The following NBEA variants were observed in gnomAD, a reference collection of about 807,000 sequenced individuals.
The protein encoded by NBEA is neurobeachin.
A neutral mutation model predicts 343.4 loss-of-function variants in NBEA; 44 were observed. That is an observed-to-expected ratio of 0.13 (90% CI 0.10 to 0.16). The LOEUF is 0.16. Among genes scored for constraint, NBEA ranks in the 10% least tolerant of loss-of-function variants. NBEA has a pLI of 1.00. For missense variants in NBEA, 2,555 were observed against 3,631.3 expected, an observed-to-expected ratio of 0.70 and a Z score of 7.62; for synonymous variants, 1,175 against 1,238.7, an observed-to-expected ratio of 0.95 and a Z score of 1.08.
At chr13:35,198,255 T>A (rs1593710313) in intron 31 of NBEA, among the ~76,000 whole-genome samples, 1 of 152,176 alleles carries the variant, frequency 6.6e-6, no homozygotes, top group Non-Finnish European at 1.5e-5. Flanking sequence ...TGCATGTAAG[T>A]ATATGTACTT....
At chr13:35,296,367 C>A (rs1456547611) in intron 35 of NBEA, among the ~76,000 whole-genome samples, 1 of 146,556 alleles carries the variant, frequency 6.8e-6, no homozygotes, top group East Asian at 2.0e-4. Flanking sequence ...GGCGACAGAG[C>A]GAGACTCAGT....
At chr13:35,576,061 T>C (rs2080723176) in intron 45 of NBEA, among the ~76,000 whole-genome samples, 1 of 152,158 alleles carries the variant, frequency 6.6e-6, no homozygotes, top group East Asian at 1.9e-4. Context: ...GGTTTTGATG[T>C]ACGCTGATTC....
rs1483434271 is a variant in NBEA at position 35,159,749 on chromosome 13, G to A, written c.3578G>A (p.Ser1193Asn). The change falls in exon 22 of 59, where the codon AGC becomes AAC. Residue 1193 changes from serine (S) to asparagine (N), a missense_variant. Transcript: ENST00000379939. ...GGATTGCTTGCTCACATGACCGGTA[G>A]CGTAGACTTAACTTGTACATCCAGT... ...DLGLLAHMTGSVDLTCTSSII... is the reference protein window; with the variant it reads ...DLGLLAHMTGNVDLTCTSSII... 8 of 1,613,098 alleles carry A rather than the reference G, an allele frequency of 5.0e-6. No individual in the cohort carries two copies. The highest frequency in any genetic ancestry group is 6.8e-6 in the Non-Finnish European group (8 of 1,179,630).
At chr13:35,494,270 G>A (rs2076597745) in intron 41 of NBEA, among the ~76,000 whole-genome samples, 1 of 151,920 alleles carries the variant, frequency 6.6e-6, no homozygotes, top group Admixed American at 6.6e-5. Flanking sequence ...CTAGATGAGA[G>A]CAAAATATTA....
intron 45 of NBEA, among the ~76,000 whole-genome samples, chr13:35,569,551 CATTT>C (rs2080296818): frequency 6.6e-6 from 1 of 151,958 alleles, no homozygotes; most frequent in African/African-American, 2.4e-5. Context: ...TTTTTCTCTC[CATTT>C]ATTTATTCTT....
chr13:35,285,935 G>A (rs1217867797), intron 34 of NBEA, among the ~76,000 whole-genome samples: 1 of 152,032 alleles, frequency 6.6e-6, no homozygotes, highest in African/African-American at 2.4e-5. Flanking sequence ...CTTTGCTGAC[G>A]ATTGCATGCT....
intron 38 of NBEA, among the ~76,000 whole-genome samples, chr13:35,382,888 G>A (rs980718920): frequency 3.3e-5 from 5 of 152,098 alleles, no homozygotes; most frequent in African/African-American, 1.2e-4. Context: ...TCAAACTTTT[G>A]CTACAAACAA....
chr13:34,947,492 A>AT (rs544047665), intron 1 of NBEA, among the ~76,000 whole-genome samples: 24 of 148,436 alleles, frequency 1.6e-4, no homozygotes, highest in African/African-American at 2.7e-4. Flanking sequence ...AGTCACCTGC[A>AT]TTTTTTTTTT....
At chr13:35,234,007 T>C (rs1433847804) in intron 34 of NBEA, among the ~76,000 whole-genome samples, 1 of 152,132 alleles carries the variant, frequency 6.6e-6, no homozygotes, top group Non-Finnish European at 1.5e-5. Flanking sequence ...TGAGGAGTGT[T>C]CTATGCAGAG....
At chr13:35,193,793 T>G (rs1593691448) in intron 30 of NBEA, among the ~76,000 whole-genome samples, 1 of 151,976 alleles carries the variant, frequency 6.6e-6, no homozygotes, top group East Asian at 1.9e-4. Context: ...GATTAATCTA[T>G]TCTTTCAGTC....
intron 48 of NBEA, 114 bp downstream of exon 48, chr13:35,606,692 A>G: frequency 5.0e-6 from 4 of 795,402 alleles, no homozygotes; most frequent in Non-Finnish European, 7.0e-6. Context: ...ACATCTATAA[A>G]TACAAGCTTA....
At chr13:35,008,628 A>G (rs2061390489) in intron 1 of NBEA, among the ~76,000 whole-genome samples, 1 of 152,148 alleles carries the variant, frequency 6.6e-6, no homozygotes, top group Non-Finnish European at 1.5e-5. Flanking sequence ...TTGTATAATC[A>G]TCATCTACTT....
At chr13:35,136,058 A>G (rs1245975614) in intron 17 of NBEA, among the ~76,000 whole-genome samples, 1 of 152,162 alleles carries the variant, frequency 6.6e-6, no homozygotes, top group South Asian at 2.1e-4. Flanking sequence ...ATTATATAGT[A>G]AAGTAGAGAC....
chr13:35,293,407 T>C (rs1253939182), intron 35 of NBEA, among the ~76,000 whole-genome samples: 2 of 152,068 alleles, frequency 1.3e-5, no homozygotes, highest in African/African-American at 2.4e-5. Flanking sequence ...CAAGTATATT[T>C]ATTCTTCTTC....
At chr13:35,401,808 A>G (rs2043014719) in intron 38 of NBEA, among the ~76,000 whole-genome samples, 1 of 152,040 alleles carries the variant, frequency 6.6e-6, no homozygotes, top group South Asian at 2.1e-4. Flanking sequence ...ATTAAAGGTT[A>G]AATCAATGGA....
At chr13:35,640,302 C>T (rs1052684740) in intron 49 of NBEA, among the ~76,000 whole-genome samples, 9 of 152,126 alleles carry the variant, frequency 5.9e-5, no homozygotes, top group African/African-American at 2.2e-4. Context: ...TTAAGAGATA[C>T]GGAGGTCAAA....
chr13:35,236,673 G>A (rs1183466553), intron 34 of NBEA, among the ~76,000 whole-genome samples: 1 of 151,260 alleles, frequency 6.6e-6, no homozygotes, highest in African/African-American at 2.4e-5. Context: ...AGCCAGGATG[G>A]TCTCAATCTC....
intron 49 of NBEA, among the ~76,000 whole-genome samples, chr13:35,643,646 A>G (rs140514348): frequency 2.0e-4 from 30 of 152,288 alleles, no homozygotes; most frequent in African/African-American, 7.2e-4. Context: ...AATCTATAGT[A>G]AAGGAGAAAA....
At chr13:35,130,157 G>A (rs2152684529) in intron 17 of NBEA, among the ~76,000 whole-genome samples, 1 of 152,260 alleles carries the variant, frequency 6.6e-6, no homozygotes, top group East Asian at 1.9e-4. Context: ...CTGTGTATAT[G>A]TAGGGGTAGG....
Sources: allele counts gnomAD v4.1 joint callset (sites outside exome capture counted in the v4.1 genomes callset), GRCh38; gene constraint gnomAD v4.1.1; transcripts MANE v1.5; gene names NCBI Gene and HGNC (gene_info 2026-07-23, HGNC 2026-07-21).